CNTNAP5: variants seen among roughly 807,000 people sequenced by gnomAD.
CNTNAP5 encodes the protein contactin associated protein family member 5, also known as contactin-associated protein-like 5.
Under a neutral mutation model 150.2 loss-of-function variants are expected in CNTNAP5, and 72 were observed. That is an observed-to-expected ratio of 0.48 (90% confidence interval 0.40 to 0.58). CNTNAP5 has a LOEUF of 0.58. Among genes scored for constraint, CNTNAP5 ranks in the 20% least tolerant of loss-of-function variants. The probability of loss-of-function intolerance (pLI) is 0.00; values close to 1 mark genes in which losing one functional copy is unlikely to be tolerated. For missense variants in CNTNAP5, 1,636 were observed against 1,626.2 expected (o/e 1.01, Z -0.10); for synonymous variants, 672 against 619.8 (o/e 1.08, Z -1.25).
chr2:124,314,409 C>G (rs1334726555), intron 3 of CNTNAP5, among the ~76,000 whole-genome samples: 1 of 152,054 alleles, frequency 6.6e-6, no homozygotes, highest in Non-Finnish European at 1.5e-5. Context: ...CCTGAGAGAC[C>G]CATATTTTGT....
chr2:124,842,580 A>G (rs1467063850), intron 19 of CNTNAP5, among the ~76,000 whole-genome samples: 1 of 152,176 alleles, frequency 6.6e-6, no homozygotes, highest in Non-Finnish European at 1.5e-5. Flanking sequence ...ATGCAAATGC[A>G]TTTTGAGTTA....
chr2:124,120,024 T>A (rs1432696224), intron 1 of CNTNAP5, among the ~76,000 whole-genome samples: 3 of 152,208 alleles, frequency 2.0e-5, no homozygotes, highest in Admixed American at 2.0e-4. Context: ...TGGAGTGACC[T>A]GGGCTTTGGG....
intron 7 of CNTNAP5, among the ~76,000 whole-genome samples, chr2:124,486,818 A>C (rs2104845508): frequency 6.6e-6 from 1 of 152,336 alleles, no homozygotes; most frequent in Non-Finnish European, 1.5e-5. Flanking sequence ...TACTTTTATT[A>C]TAGGCCCATG....
At chr2:124,670,752 T>G (rs1486850117) in intron 13 of CNTNAP5, among the ~76,000 whole-genome samples, 1 of 152,196 alleles carries the variant, frequency 6.6e-6, no homozygotes, top group African/African-American at 2.4e-5. Context: ...CCACATGCCT[T>G]GCTCGTTCAC....
chr2:124,617,763 A>G (rs6707181), intron 12 of CNTNAP5, among the ~76,000 whole-genome samples: 61,303 of 151,908 alleles, frequency 0.4, 14,471 homozygotes, highest in Non-Finnish European at 0.54. Context: ...CTAATCAAGG[A>G]GATGACACAG....
intron 1 of CNTNAP5, among the ~76,000 whole-genome samples, chr2:124,099,171 G>T (rs569807105): frequency 6.6e-6 from 1 of 152,056 alleles, no homozygotes; most frequent in Non-Finnish European, 1.5e-5. Flanking sequence ...TCAATTTCAG[G>T]GCTTCACTTA....
chr2:124,716,667 T>A (rs920830783), intron 13 of CNTNAP5, among the ~76,000 whole-genome samples: 3 of 152,142 alleles, frequency 2.0e-5, no homozygotes, highest in Admixed American at 1.3e-4. Context: ...GAGTAAAGAT[T>A]CATGCTTGAT....
At chr2:124,407,985 C>T (rs1340947803) in intron 3 of CNTNAP5, among the ~76,000 whole-genome samples, 1 of 152,196 alleles carries the variant, frequency 6.6e-6, no homozygotes, top group Non-Finnish European at 1.5e-5. Flanking sequence ...GTTCATCTCA[C>T]TAGGGAGTGC....
intron 1 of CNTNAP5, among the ~76,000 whole-genome samples, chr2:124,211,182 AC>A (rs1427942027): frequency 6.6e-6 from 1 of 152,178 alleles, no homozygotes; most frequent in Non-Finnish European, 1.5e-5. Flanking sequence ...AGTGCTAAAA[AC>A]CGTGTGGATG....
intron 19 of CNTNAP5, among the ~76,000 whole-genome samples, chr2:124,840,101 T>A (rs1036386258): frequency 1.3e-5 from 2 of 152,072 alleles, no homozygotes; most frequent in East Asian, 3.9e-4. Context: ...CTTGAGAGGA[T>A]GTGAGTCTCT....
At chr2:124,219,789 GC>G (rs1686256829) in intron 1 of CNTNAP5, among the ~76,000 whole-genome samples, 2 of 151,990 alleles carry the variant, frequency 1.3e-5, no homozygotes, top group Admixed American at 1.3e-4. Flanking sequence ...TTAAACAAGT[GC>G]TTTGAGGTAT....
chr2:124,357,313 A>T (rs1690040527), intron 3 of CNTNAP5, among the ~76,000 whole-genome samples: 1 of 152,186 alleles, frequency 6.6e-6, no homozygotes, highest in Non-Finnish European at 1.5e-5. Flanking sequence ...TACTTTAATT[A>T]GATCCCATTT....
intron 3 of CNTNAP5, among the ~76,000 whole-genome samples, chr2:124,303,952 G>A (rs988580022): frequency 6.6e-6 from 1 of 152,134 alleles, no homozygotes; most frequent in South Asian, 2.1e-4. Flanking sequence ...GATCACTTGA[G>A]CCCAGGAGTC....
intron 14 of CNTNAP5, among the ~76,000 whole-genome samples, chr2:124,754,952 GA>G (rs1247969088): frequency 1.3e-5 from 2 of 151,592 alleles, no homozygotes; most frequent in East Asian, 1.9e-4. Flanking sequence ...TATGAAAATA[GA>G]AAAAAAGAAC....
intron 11 of CNTNAP5, among the ~76,000 whole-genome samples, chr2:124,573,875 T>C (rs928230593): frequency 5.3e-5 from 8 of 152,182 alleles, no homozygotes; most frequent in Admixed American, 2.0e-4. Flanking sequence ...AGTAACTCCT[T>C]TACACAATTG....
intron 3 of CNTNAP5, among the ~76,000 whole-genome samples, chr2:124,324,020 G>A (rs1262496715): frequency 2.0e-5 from 3 of 151,850 alleles, no homozygotes; most frequent in Non-Finnish European, 2.9e-5. Context: ...AGAGCATTAC[G>A]AAAAAAAGAG....
chr2:124,592,234 C>A (rs1696702040), intron 11 of CNTNAP5, among the ~76,000 whole-genome samples: 1 of 152,004 alleles, frequency 6.6e-6, no homozygotes, highest in African/African-American at 2.4e-5. Flanking sequence ...TGGAGCAGAT[C>A]ACTAGACATG....
At chr2:124,873,402 A>C (rs1010504267) in intron 21 of CNTNAP5, among the ~76,000 whole-genome samples, 1 of 152,072 alleles carries the variant, frequency 6.6e-6, no homozygotes, top group African/African-American at 2.4e-5. Context: ...ACACAGATAC[A>C]AACCATATCA....
chr2:124,762,499 G>A (rs769384032), intron 14 of CNTNAP5, among the ~76,000 whole-genome samples: 1 of 152,100 alleles, frequency 6.6e-6, no homozygotes, highest in African/African-American at 2.4e-5. Context: ...ACTAAAATAA[G>A]TGTCACTGCC....
Sources: gnomAD v4.1 joint callset for allele counts (sites outside exome capture counted in the v4.1 genomes callset) on GRCh38, gnomAD v4.1.1 for gene constraint, MANE v1.5 for transcripts, NCBI Gene and HGNC (gene_info 2026-07-23, HGNC 2026-07-21) for gene names.